FAF1: variants seen among roughly 807,000 people sequenced by gnomAD.
The protein encoded by FAF1 is FAS-associated factor 1.
A neutral mutation model predicts 92.5 loss-of-function variants in FAF1; 25 were observed. That is an observed-to-expected ratio of 0.27 (90% CI 0.20 to 0.38). The LOEUF (loss-of-function observed/expected upper bound fraction) is 0.38. FAF1 is among the 10% of genes least tolerant of loss of function. The probability of loss-of-function intolerance (pLI) is 1.00; values close to 1 mark genes in which losing one functional copy is unlikely to be tolerated. For synonymous variants in FAF1, 234 were observed against 273.2 expected (o/e 0.86, Z 1.42); for missense variants, 636 against 793.3 (o/e 0.80, Z 2.38).
intron 13 of FAF1, among the ~76,000 whole-genome samples, chr1:50,548,089 T>C (rs1371756693): frequency 6.6e-6 from 1 of 152,206 alleles, no homozygotes; most frequent in Non-Finnish European, 1.5e-5. Context: ...AGAGAGCCAA[T>C]TTATGTTTAA....
chr1:50,447,194 C>CTA lies in FAF1; in HGVS notation c.1870-5672_1870-5671insTA, dbSNP rs537591389. On this transcript the variant is annotated intron_variant, in intron 18 of 18. Coordinates refer to ENST00000396153, the MANE Select transcript of FAF1 (RefSeq NM_007051.3). ...AGGCTGGAGTGCAGGGGCACGATCTCGGCTCACTGCAAGCTCCGCCTCCCG... is the reference window on the plus strand; with the variant it reads ...AGGCTGGAGTGCAGGGGCACGATCTCTAGGCTCACTGCAAGCTCCGCCTCCCG... Among the ~76,000 whole-genome samples, 71 of 143,152 alleles carry CTA rather than the reference C, an allele frequency of 5.0e-4. No homozygotes were observed. The East Asian group carries it at 0.015, about 29-fold the overall frequency. The allele number at this position is 143,152 out of a possible 152,430, so 93.9% of individuals were successfully genotyped here.
intron 2 of FAF1, among the ~76,000 whole-genome samples, chr1:50,813,762 T>TGTTTTA (rs1643939825): frequency 6.6e-6 from 1 of 152,094 alleles, no homozygotes; most frequent in South Asian, 2.1e-4. Context: ...TAACACTGTA[T>TGTTTTA]TGTCGGCATC....
intron 4 of FAF1, 40 bp from the exon 5 acceptor site, chr1:50,744,815 AAC>A (rs1490751587): frequency 1.1e-5 from 13 of 1,193,996 alleles, no homozygotes; most frequent in Middle Eastern, 1.9e-4. Flanking sequence ...CTAACAAAAT[AAC>A]ACAGTTAACA....
At position 50,959,822 on chromosome 1, in the gene FAF1, G is replaced by A. The variant is rs982018159; in HGVS notation, c.-11C>T. The A allele has an allele frequency of 1.9e-6, 3 of 1,556,204 alleles. No homozygotes were observed. The highest frequency in any genetic ancestry group is 2.6e-6 in the Non-Finnish European group (3 of 1,149,026). On this transcript the variant is annotated 5_prime_UTR_variant, in exon 1 of 19. Transcript: ENST00000396153. Reference sequence around the variant, plus strand: ...CATGTTGGACGCCATGGCGGCCGCCGAGTTCCGCGGCTCCGGGAGCGAAGC... The same window carrying A: ...CATGTTGGACGCCATGGCGGCCGCCAAGTTCCGCGGCTCCGGGAGCGAAGC...
intron 1 of FAF1, among the ~76,000 whole-genome samples, chr1:50,900,069 T>A (rs1644784527): frequency 6.6e-6 from 1 of 152,206 alleles, no homozygotes; most frequent in South Asian, 2.1e-4. Context: ...TGTTAATAGC[T>A]CTAGCATTTC....
chr1:50,787,975 G>A (rs375102732), intron 4 of FAF1, 25 bp downstream of exon 4: 1 of 1,574,738 alleles, frequency 6.4e-7, no homozygotes, highest in Admixed American at 1.7e-5. Context: ...TATTTGTGAA[G>A]GCTTTATGGC....
At chr1:50,843,903 G>A (rs977712273) in intron 2 of FAF1, among the ~76,000 whole-genome samples, 1 of 152,118 alleles carries the variant, frequency 6.6e-6, no homozygotes, top group Non-Finnish European at 1.5e-5. Flanking sequence ...ATACCCAGCT[G>A]TGAGAATTGC....
rs1027289959 is a variant in FAF1, at chr1:50,680,440, T to C, written c.658-24912A>G. Among the ~76,000 whole-genome samples, 8 of 152,106 alleles carry C rather than the reference T, an allele frequency of 5.3e-5. No homozygotes were observed. In the East Asian group the frequency reaches 1.5e-3, roughly 29 times the overall value. On this transcript the variant is annotated intron_variant, in intron 7 of 18. Coordinates refer to ENST00000396153, the MANE Select transcript of FAF1 (RefSeq NM_007051.3). Reference sequence around the variant, plus strand: ...GTTCACGCCTGTAATCCCAGAACTTTGGGAGGCCGAGGCAGGCAGATCACC... The same window carrying C: ...GTTCACGCCTGTAATCCCAGAACTTCGGGAGGCCGAGGCAGGCAGATCACC...
intron 1 of FAF1, among the ~76,000 whole-genome samples, chr1:50,863,954 T>G (rs1372110974): frequency 6.6e-6 from 1 of 152,022 alleles, no homozygotes; most frequent in Admixed American, 6.6e-5. Context: ...GTCGAGGAAT[T>G]TATCCATTTC....
chr1:50,462,961 G>T (rs1328454345), intron 18 of FAF1, among the ~76,000 whole-genome samples: 2 of 152,224 alleles, frequency 1.3e-5, no homozygotes, highest in African/African-American at 2.4e-5. Context: ...GACTGCTACT[G>T]TTTGAGAGGC....
At chr1:50,815,151 T>C (rs189738989) in intron 2 of FAF1, among the ~76,000 whole-genome samples, 108 of 152,340 alleles carry the variant, frequency 7.1e-4, no homozygotes, top group African/African-American at 2.5e-3. Flanking sequence ...CTATATTGCA[T>C]GATGCTGAGG....
chr1:50,746,272 ATATATATATATATATATATATTTTTTTTT>A (rs1659596866), intron 4 of FAF1, among the ~76,000 whole-genome samples: 2 of 18,706 alleles, frequency 1.1e-4, no homozygotes, highest in Admixed American at 7.3e-4. Context: ...ATATATATAT[ATATATATATATATATATATATTTTTTTTT>A]TTTTTTTTTT....
At chr1:50,671,118 T>C (rs900523840) in intron 7 of FAF1, among the ~76,000 whole-genome samples, 3 of 151,900 alleles carry the variant, frequency 2.0e-5, no homozygotes, top group African/African-American at 7.3e-5. Flanking sequence ...AAATGTAAGT[T>C]TGAAGGCCGG....
intron 4 of FAF1, among the ~76,000 whole-genome samples, chr1:50,771,774 G>A (rs1197685099): frequency 4.6e-5 from 7 of 152,228 alleles, no homozygotes; most frequent in South Asian, 2.1e-4. Context: ...GGTGGTGGGC[G>A]CCTGTAATCC....
At chr1:50,761,160 G>A (rs1474880352) in intron 4 of FAF1, among the ~76,000 whole-genome samples, 1 of 152,140 alleles carries the variant, frequency 6.6e-6, no homozygotes, top group Non-Finnish European at 1.5e-5. Flanking sequence ...TCTCTGAATA[G>A]ACCAATAACA....
chr1:50,651,478 T>C (rs1056993684), intron 8 of FAF1, among the ~76,000 whole-genome samples: 6 of 152,200 alleles, frequency 3.9e-5, no homozygotes, highest in South Asian at 2.1e-4. Flanking sequence ...CAATGATATC[T>C]AAGGCTACTG....
intron 1 of FAF1, among the ~76,000 whole-genome samples, chr1:50,942,747 G>GTT (rs528629170): frequency 9.3e-4 from 130 of 140,264 alleles, no homozygotes; most frequent in African/African-American, 3.0e-3. Flanking sequence ...AGTTGTCGTT[G>GTT]TTTTTTTTTT....
intron 8 of FAF1, among the ~76,000 whole-genome samples, chr1:50,622,090 G>T (rs1432709726): frequency 6.6e-6 from 1 of 151,466 alleles, no homozygotes; most frequent in Non-Finnish European, 1.5e-5. Flanking sequence ...ACTTGAATTC[G>T]GGAGGTGGAG....
chr1:50,612,468 T>C (rs1652725677), intron 8 of FAF1: 1 of 1,084,764 alleles, frequency 9.2e-7, no homozygotes, highest in Non-Finnish European at 1.1e-6. Context: ...CCTTCAAATA[T>C]GCAAGGATAC....
Sources: gnomAD v4.1 joint callset for allele counts (sites outside exome capture counted in the v4.1 genomes callset) on GRCh38, gnomAD v4.1.1 for gene constraint, MANE v1.5 for transcripts, NCBI Gene and HGNC (gene_info 2026-07-23, HGNC 2026-07-21) for gene names.